Variants in LARP1B observed in about 807,000 individuals in gnomAD.
LARP1B encodes the protein La ribonucleoprotein 1B.
A neutral mutation model predicts 114.2 loss-of-function variants in LARP1B; 76 were observed. The observed-to-expected ratio is 0.67, with a 90% confidence interval of 0.55 to 0.81. The LOEUF is 0.81. Among genes scored for constraint, LARP1B ranks in the 30% least tolerant of loss-of-function variants. LARP1B has a pLI of 0.00. For missense variants in LARP1B, 1,014 were observed against 1,075.8 expected, an observed-to-expected ratio of 0.94 and a Z score of 0.80; for synonymous variants, 345 against 348.0, an observed-to-expected ratio of 0.99 and a Z score of 0.10.
chr4:128,222,745 A>T (rs1760108525), downstream of LARP1B: 1 of 162,592 alleles, frequency 6.2e-6, no homozygotes. Flanking sequence ...CCAATTGAGG[A>T]TTGTGGAAAT....
intron 11 of LARP1B, among the ~76,000 whole-genome samples, chr4:128,131,097 A>G (rs1047418375): frequency 2.0e-5 from 3 of 152,182 alleles, no homozygotes; most frequent in Non-Finnish European, 4.4e-5. Flanking sequence ...TGTTCTGATG[A>G]CGATACATGT....
chr4:128,083,370 T>G (rs1424448895), intron 5 of LARP1B, among the ~76,000 whole-genome samples: 154 of 149,914 alleles, frequency 1.0e-3, no homozygotes, highest in African/African-American at 2.4e-3. Flanking sequence ...GCAGAGGGGC[T>G]CCTCACCTCC....
chr4:128,139,565 T>G (rs1726992429), intron 11 of LARP1B, among the ~76,000 whole-genome samples: 1 of 146,744 alleles, frequency 6.8e-6, no homozygotes, highest in Non-Finnish European at 1.5e-5. Context: ...TACTAAATGC[T>G]TGTAACTGTA....
At chr4:128,072,853 T>C (rs1327498583) in intron 1 of LARP1B, among the ~76,000 whole-genome samples, 3 of 152,174 alleles carry the variant, frequency 2.0e-5, no homozygotes, top group African/African-American at 4.8e-5. Context: ...CCACTGAGCC[T>C]GGCCTGTATA....
intron 10 of LARP1B, among the ~76,000 whole-genome samples, chr4:128,114,950 T>A (rs953804919): frequency 1.3e-5 from 2 of 152,278 alleles, no homozygotes; most frequent in African/African-American, 2.4e-5. Flanking sequence ...TTATTTTTTT[T>A]TTTTTGAGAT....
intron 7 of LARP1B, among the ~76,000 whole-genome samples, chr4:128,093,362 C>A (rs990868666): frequency 6.6e-6 from 1 of 151,978 alleles, no homozygotes; most frequent in Non-Finnish European, 1.5e-5. Flanking sequence ...TTTGGGAGGC[C>A]GAGGCGGGCG....
intron 11 of LARP1B, among the ~76,000 whole-genome samples, chr4:128,142,911 C>T (rs150204579): frequency 6.6e-6 from 1 of 152,272 alleles, no homozygotes; most frequent in African/African-American, 2.4e-5. Context: ...CGTGAGCTCT[C>T]AAGTTAACTG....
At chr4:128,178,318 A>T in intron 13 of LARP1B, 113 bp from the exon 14 acceptor site, 1 of 701,224 alleles carries the variant, frequency 1.4e-6, no homozygotes, top group Non-Finnish European at 2.3e-6. Context: ...ATATATTTGA[A>T]ATGTTTTCAG....
At chr4:128,126,542 C>G (rs892185630) in intron 11 of LARP1B, among the ~76,000 whole-genome samples, 2 of 152,042 alleles carry the variant, frequency 1.3e-5, no homozygotes, top group Non-Finnish European at 2.9e-5. Context: ...AACGATAGAA[C>G]TGGAAGTAAA....
intron 5 of LARP1B, 123 bp downstream of exon 5, chr4:128,082,428 C>T: frequency 1.4e-6 from 1 of 738,042 alleles, no homozygotes; most frequent in Non-Finnish European, 2.3e-6. Context: ...CCTTTAACCC[C>T]AAATACCTTC....
At chr4:128,107,084 A>ATACTGTC in intron 8 of LARP1B, 55 bp from the exon 9 acceptor site, 2 of 1,449,946 alleles carry the variant, frequency 1.4e-6, no homozygotes, top group Non-Finnish European at 1.9e-6. Context: ...TCTTAGAAGT[A>ATACTGTC]TAGCACAGAC....
chr4:128,083,121 A>T (rs915212002), intron 5 of LARP1B, among the ~76,000 whole-genome samples: 1 of 152,200 alleles, frequency 6.6e-6, no homozygotes, highest in Non-Finnish European at 1.5e-5. Flanking sequence ...TTCAGAGAGC[A>T]CAGGGTTGGG....
intron 11 of LARP1B, among the ~76,000 whole-genome samples, chr4:128,149,474 A>T (rs950131833): frequency 6.6e-6 from 1 of 152,230 alleles, no homozygotes; most frequent in African/African-American, 2.4e-5. Flanking sequence ...AGCTGAACAA[A>T]AGGAATATCG....
At chr4:128,212,293 C>T (rs1021969067), downstream of LARP1B, among the ~76,000 whole-genome samples, 8 of 152,086 alleles carry the variant, frequency 5.3e-5, no homozygotes, top group South Asian at 2.1e-4. Flanking sequence ...GCCGAGTTTA[C>T]GTAGCTAACT....
chr4:128,094,302 T>C (rs965275143), intron 7 of LARP1B, among the ~76,000 whole-genome samples: 2 of 152,090 alleles, frequency 1.3e-5, no homozygotes, highest in African/African-American at 4.8e-5. Context: ...AGATCTTGAT[T>C]ATTTCTAGCT....
In LARP1B at chr4:128,090,887, C is replaced by G. The variant is rs1775672689; in HGVS notation, c.359-114C>G. On this transcript the variant is annotated intron_variant, in intron 5 of 19. Transcript: ENST00000326639. ...TTGTATCCATCTGAAAAATGCCTGGCTACTGTTCATTAGTTACAAAGTGGA... is the reference window on the plus strand; with the variant it reads ...TTGTATCCATCTGAAAAATGCCTGGGTACTGTTCATTAGTTACAAAGTGGA... The G allele has an allele frequency of 5.6e-6, 4 of 716,340 alleles. No individual in the cohort carries two copies. In the Admixed American group the frequency reaches 1.2e-4, roughly 21 times the overall value. The allele number at this position is 716,340 out of a possible 1,614,324, so 44.4% of individuals were successfully genotyped here.
intron 4 of LARP1B, among the ~76,000 whole-genome samples, chr4:128,078,871 G>A (rs1252011703): frequency 6.6e-6 from 1 of 152,094 alleles, no homozygotes; most frequent in Non-Finnish European, 1.5e-5. Flanking sequence ...GATTTTCTGG[G>A]AGAGTAGCAG....
intron 11 of LARP1B, chr4:128,156,295 T>G: frequency 2.6e-6 from 2 of 765,758 alleles, no homozygotes; most frequent in Non-Finnish European, 2.2e-6. Flanking sequence ...CAGTATCCCA[T>G]ACCCAACTCC....
At chr4:128,156,198 T>A (rs1735556521) in intron 11 of LARP1B, 1 of 1,603,572 alleles carries the variant, frequency 6.2e-7, no homozygotes, top group African/African-American at 1.3e-5. Flanking sequence ...CCCTCCTCGC[T>A]TTGTGAGGCA....
Sources: gnomAD v4.1 joint callset for allele counts (sites outside exome capture counted in the v4.1 genomes callset) on GRCh38, gnomAD v4.1.1 for gene constraint, MANE v1.5 for transcripts, NCBI Gene and HGNC (gene_info 2026-07-23, HGNC 2026-07-21) for gene names.